Variants in GAS7 observed in about 807,000 individuals in gnomAD.
The protein encoded by GAS7 is growth arrest-specific protein 7.
GAS7 carries 28 observed loss-of-function variants against 71.1 expected under a neutral mutation model. The ratio of observed to expected loss-of-function variants is 0.39; its 90% CI spans 0.29 to 0.54. The LOEUF is 0.54. Ranked by LOEUF, GAS7 falls within the 20% of genes least tolerant of loss-of-function variation. The pLI is 0.62. For missense variants in GAS7, 436 were observed against 627.8 expected (o/e 0.69, Z 3.27); for synonymous variants, 258 against 245.8 (o/e 1.05, Z -0.46).
intron 1 of GAS7, among the ~76,000 whole-genome samples, chr17:10,169,850 T>C (rs1029549013): frequency 2.6e-5 from 4 of 152,190 alleles, no homozygotes; most frequent in Admixed American, 2.0e-4. Context: ...CTATCATTAC[T>C]TGAACATATA....
At chr17:9,976,329 T>C (rs1365555171) in intron 3 of GAS7, among the ~76,000 whole-genome samples, 1 of 152,204 alleles carries the variant, frequency 6.6e-6, no homozygotes, top group African/African-American at 2.4e-5. Context: ...CAGCAGAAGG[T>C]GTCAGGGCCT....
intron 1 of GAS7, among the ~76,000 whole-genome samples, chr17:10,148,682 T>C (rs926999828): frequency 3.4e-5 from 5 of 148,798 alleles, no homozygotes; most frequent in Admixed American, 6.7e-5. Flanking sequence ...GAGGCTGAGG[T>C]GGGCGGATCA....
intron 1 of GAS7, among the ~76,000 whole-genome samples, chr17:10,140,746 G>T (rs1174741305): frequency 6.6e-6 from 1 of 152,204 alleles, no homozygotes; most frequent in Non-Finnish European, 1.5e-5. Context: ...TGGAGTGGGA[G>T]TGTCCCTAGA....
At chr17:9,980,461 T>C (rs2152128412) in intron 3 of GAS7, among the ~76,000 whole-genome samples, 2 of 152,346 alleles carry the variant, frequency 1.3e-5, no homozygotes, top group Middle Eastern at 6.8e-3. Flanking sequence ...CTTTTTCTTC[T>C]GAAAACTTTA....
chr17:10,069,549 T>C (rs923054188), intron 1 of GAS7, among the ~76,000 whole-genome samples: 2 of 152,222 alleles, frequency 1.3e-5, no homozygotes, highest in African/African-American at 4.8e-5. Context: ...TATTAATGTT[T>C]TATGATGGAG....
chr17:10,091,378 T>C (rs1254360763), intron 1 of GAS7, among the ~76,000 whole-genome samples: 2 of 152,002 alleles, frequency 1.3e-5, no homozygotes, highest in African/African-American at 2.4e-5. Flanking sequence ...TTTAGAGTGG[T>C]GACTTTTTTG....
chr17:10,129,642 G>GA (rs573845091), intron 1 of GAS7, among the ~76,000 whole-genome samples: 146 of 152,226 alleles, frequency 9.6e-4, no homozygotes, highest in African/African-American at 3.3e-3. Context: ...GGAATCAAAG[G>GA]AAAAAATCGG....
At chr17:9,945,315 C>T (rs1173922855) in intron 6 of GAS7, among the ~76,000 whole-genome samples, 1 of 150,474 alleles carries the variant, frequency 6.6e-6, no homozygotes, top group East Asian at 2.0e-4. Context: ...TGAATCAGAT[C>T]ACATCATATT....
At chr17:10,184,369 C>T (rs913960302) in intron 1 of GAS7, among the ~76,000 whole-genome samples, 1 of 152,170 alleles carries the variant, frequency 6.6e-6, no homozygotes, top group Non-Finnish European at 1.5e-5. Flanking sequence ...TATCTCTGTC[C>T]TCGGATTAAA....
chr17:9,970,696 A>G (rs1490368265), intron 3 of GAS7, among the ~76,000 whole-genome samples: 2 of 152,040 alleles, frequency 1.3e-5, no homozygotes, highest in African/African-American at 4.8e-5. Context: ...TACCCTTATA[A>G]CTTTATGTCT....
chr17:10,040,119 C>A (rs936036930), intron 1 of GAS7, among the ~76,000 whole-genome samples: 2 of 152,136 alleles, frequency 1.3e-5, no homozygotes, highest in African/African-American at 4.8e-5. Flanking sequence ...GTCACTTAAT[C>A]CCTCTAACAA....
intron 5 of GAS7, among the ~76,000 whole-genome samples, chr17:9,955,948 T>A (rs1057072288): frequency 6.6e-6 from 1 of 152,214 alleles, no homozygotes; most frequent in Non-Finnish European, 1.5e-5. Flanking sequence ...GCAGGGCTTT[T>A]CCGCACAGGA....
intron 1 of GAS7, among the ~76,000 whole-genome samples, chr17:10,147,450 C>A (rs918372678): frequency 6.6e-6 from 1 of 152,266 alleles, no homozygotes; most frequent in South Asian, 2.1e-4. Flanking sequence ...CTAAAATACG[C>A]AGACAAAAGG....
chr17:10,152,214 T>C (rs892509379), intron 1 of GAS7, among the ~76,000 whole-genome samples: 8 of 152,166 alleles, frequency 5.3e-5, no homozygotes, highest in Non-Finnish European at 1.2e-4. Flanking sequence ...CAAAGTCACA[T>C]GGCGGGGTGA....
At chr17:10,120,261 T>A (rs916463146) in intron 1 of GAS7, among the ~76,000 whole-genome samples, 1 of 152,080 alleles carries the variant, frequency 6.6e-6, no homozygotes, top group Non-Finnish European at 1.5e-5. Flanking sequence ...GCCACCTCCC[T>A]CCATTCTTGC....
intron 1 of GAS7, among the ~76,000 whole-genome samples, chr17:10,096,895 C>T (rs74902199): frequency 1.1e-3 from 169 of 152,380 alleles, no homozygotes; most frequent in African/African-American, 3.9e-3. Context: ...GTTTTCTAGC[C>T]TTTGCAATAG....
chr17:10,007,686 C>T (rs923811644), intron 2 of GAS7, among the ~76,000 whole-genome samples: 9 of 143,586 alleles, frequency 6.3e-5, no homozygotes, highest in Non-Finnish European at 1.4e-4. Context: ...AAGTCATAAA[C>T]GCCCACCATG....
At chr17:10,061,175 T>C (rs899613506) in intron 1 of GAS7, 9 of 152,268 alleles carry the variant, frequency 5.9e-5, no homozygotes, top group Admixed American at 3.3e-4. Flanking sequence ...GCAAACCTCA[T>C]GGTTGCCCCA....
intron 4 of GAS7, among the ~76,000 whole-genome samples, chr17:9,965,599 C>T: frequency 6.6e-6 from 1 of 152,154 alleles, no homozygotes; most frequent in East Asian, 1.9e-4. Context: ...TTGATAGGTG[C>T]AACAAACCAC....
Sources: gnomAD v4.1 joint callset for allele counts (sites outside exome capture counted in the v4.1 genomes callset) on GRCh38, gnomAD v4.1.1 for gene constraint, MANE v1.5 for transcripts, NCBI Gene and HGNC (gene_info 2026-07-23, HGNC 2026-07-21) for gene names.